Variants in BCL3 observed in about 807,000 individuals in gnomAD.
The protein encoded by BCL3 is BCL3 transcription coactivator.
In BCL3, 15 loss-of-function variants were observed where a neutral mutation model predicts 35.7. The ratio of observed to expected loss-of-function variants is 0.42; its 90% CI spans 0.28 to 0.65. The LOEUF is 0.65. Ranked by LOEUF, BCL3 falls within the 30% of genes least tolerant of loss-of-function variation. The probability of loss-of-function intolerance (pLI) is 0.22; values close to 1 mark genes in which losing one functional copy is unlikely to be tolerated. For missense variants in BCL3, 565 were observed against 641.7 expected, an observed-to-expected ratio of 0.88 and a Z score of 1.29; for synonymous variants, 311 against 284.3, an observed-to-expected ratio of 1.09 and a Z score of -0.95.
intron 1 of BCL3, 123 bp from the exon 2 acceptor site, chr19:44,751,104 C>T: frequency 1.5e-6 from 2 of 1,305,846 alleles, no homozygotes; most frequent in Non-Finnish European, 2.1e-6. Context: ...GTATGGGATG[C>T]AAAAGGGACC....
chr19:44,747,936 CA>C, upstream of BCL3: 2 of 1,144,746 alleles, frequency 1.7e-6, no homozygotes, highest in Non-Finnish European at 2.2e-6. Context: ...TCCCCACCCT[CA>C]CCCCACCCCC....
chr19:44,758,876 C>G, intron 8 of BCL3, 35 bp downstream of exon 8: 1 of 1,509,588 alleles, frequency 6.6e-7, no homozygotes, highest in Non-Finnish European at 8.9e-7. Flanking sequence ...GCCCTGGCGC[C>G]TCCTCCCTCA....
chr19:44,756,329 A>C lies in BCL3; in HGVS notation c.508A>C (p.Asn170His), dbSNP rs776392789. 7 of 1,511,064 alleles carry C rather than the reference A, an allele frequency of 4.6e-6. No individual in the cohort carries two copies. Among genetic ancestry groups the C allele is most frequent in the Admixed American group, 2.0e-5 (1 of 49,522 alleles). The allele number at this position is 1,511,064 out of a possible 1,614,324, so 93.6% of individuals were successfully genotyped here. The change falls in exon 3 of 9, where the codon AAC (asparagine) becomes CAC (histidine). Residue 170 changes from asparagine (N) to histidine (H), a missense_variant. By Grantham distance (68) the Asn-to-His change is moderately conservative (BLOSUM62 1). Coordinates refer to ENST00000164227, the MANE Select transcript of BCL3 (RefSeq NM_005178.5). ...QGGRELDIYN[N>H]LRQTPLHLAV... is the part of the protein sequence containing the mutation. The stretch of plus-strand genomic sequence containing the variant: ...GGGCCGGGAGCTCGACATCTACAAC[A>C]ACCTACGGCAGGTGAGGCTCGGTCT...
Position 44,757,808 on chromosome 19 carries a change from G to A in BCL3, c.891+85G>A. On this transcript the variant is annotated intron_variant, in intron 6 of 8. Coordinates refer to ENST00000164227, the MANE Select transcript of BCL3 (RefSeq NM_005178.5). The surrounding 1 kb of genome is among the most constrained non-coding windows in gnomAD (Gnocchi z 8.4). ...GGCCTCAGCCCCTAGCTCTGACCCCGCCTTCCACTTCTGGCTCCGGCTCCT... is the reference window on the plus strand; with the variant it reads ...GGCCTCAGCCCCTAGCTCTGACCCCACCTTCCACTTCTGGCTCCGGCTCCT... 1 of 1,322,060 alleles carries A rather than the reference G, an allele frequency of 7.6e-7. No homozygotes were observed. The highest frequency in any genetic ancestry group is 1.1e-6 in the Non-Finnish European group (1 of 932,654). The allele number at this position is 1,322,060 out of a possible 1,614,324, so 81.9% of individuals were successfully genotyped here.
At position 44,759,852 on chromosome 19, in the gene BCL3, C is replaced by T. The variant is rs1427303014; in HGVS notation, c.*237C>T. The T allele has an allele frequency of 2.2e-5, 10 of 446,148 alleles. No homozygotes were observed. Among genetic ancestry groups the T allele is most frequent in the African/African-American group, 1.2e-4 (6 of 48,834 alleles). 27.6% of individuals were successfully genotyped at this position (446,148 alleles called of 1,614,324 possible). On this transcript the variant is annotated 3_prime_UTR_variant, in exon 9 of 9. Transcript: ENST00000164227. ...GCATTCTCAGGCACCAGTCCCTGTC[C>T]GGAATGCCACCCACATCTTCCATTT...
intron 1 of BCL3, among the ~76,000 whole-genome samples, chr19:44,749,592 G>A (rs1244969315): frequency 6.6e-6 from 1 of 152,008 alleles, no homozygotes; most frequent in African/African-American, 2.4e-5. Flanking sequence ...CAGAGATGGG[G>A]TTCTGAGCAC....
chr19:44,747,982 G>C (rs1047150992), upstream of BCL3: 15 of 1,329,242 alleles, frequency 1.1e-5, no homozygotes, highest in Non-Finnish European at 1.5e-5. Context: ...GAGGCACGTG[G>C]AGTGGCAGAG....
chr19:44,757,638 CG>C lies in BCL3; in HGVS notation c.814-7del. 2 of 1,613,586 alleles carry C rather than the reference CG, an allele frequency of 1.2e-6. No homozygotes were observed. The highest frequency in any genetic ancestry group is 1.7e-6 in the Non-Finnish European group (2 of 1,179,736). On this transcript the variant is annotated splice_polypyrimidine_tract_variant and splice_region_variant and intron_variant, in intron 5 of 8. Coordinates refer to ENST00000164227, the MANE Select transcript of BCL3 (RefSeq NM_005178.5). The surrounding 1 kb of genome is among the most constrained non-coding windows in gnomAD (Gnocchi z 8.4). ...TGGAGAAACTAAGACCTTCCCTCCC[CG>C]CCGCAGGACATTAAGAGCGGCCGCT...
At chr19:44,748,597 G>A, upstream of BCL3, 1 of 551,890 alleles carries the variant, frequency 1.8e-6, no homozygotes. Context: ...AGCAGCGGCG[G>A]GTCCAGGAAA....
rs755193601 is a variant in BCL3 at position 44,758,289 on chromosome 19, C to G, written c.935C>G (p.Ala312Gly). 1 of 1,557,970 alleles carries G rather than the reference C, an allele frequency of 6.4e-7. No homozygotes were observed. The highest frequency in any genetic ancestry group is 8.6e-7 in the Non-Finnish European group (1 of 1,161,148). Residue 312 changes from alanine to glycine, a missense_variant, in exon 7 of 9, where the codon GCC becomes GGC. This residue lies in a region of BCL3 where 39 missense variants were observed against 88.1 expected (regional missense o/e 0.44). Coordinates refer to ENST00000164227, the MANE Select transcript of BCL3 (RefSeq NM_005178.5). Reference sequence around the variant, plus strand: ...GCGCAAATGTACTCCGGCAGCTCCGCCCTGCACTCAGCGTCCGGCCGCGGG... The same window carrying G: ...GCGCAAATGTACTCCGGCAGCTCCGGCCTGCACTCAGCGTCCGGCCGCGGG... ...VNAQMYSGSS[A>G]LHSASGRGLL...
chr19:44,750,641 T>C (rs1194624547), intron 1 of BCL3, among the ~76,000 whole-genome samples: 1 of 152,090 alleles, frequency 6.6e-6, no homozygotes, highest in Non-Finnish European at 1.5e-5. Flanking sequence ...AAATTACCCA[T>C]GCGTGGTGGT....
intron 2 of BCL3, among the ~76,000 whole-genome samples, chr19:44,755,833 G>A (rs1200019827): frequency 3.9e-5 from 6 of 152,152 alleles, no homozygotes; most frequent in African/African-American, 1.4e-4. Context: ...TTGGATGATC[G>A]CTTGAACCTG....
chr19:44,759,565 C>T lies in BCL3; in HGVS notation c.1315C>T (p.Arg439Ter), dbSNP rs1451648586. 6.2e-6 allele frequency: 10 copies of T among 1,611,388 alleles called. No homozygotes were observed. In the South Asian group the frequency reaches 7.7e-5, roughly 12 times the overall value. ...PAFLPFAGVLRGPGRPVPPSP... is the reference protein window; with the variant it reads ...PAFLPFAGVL ...CTTCCTGCCCTTTGCTGGGGTCCTC[C>T]GAGGCCCTGGCCGGCCGGTGCCCCC... The change falls in exon 9 of 9, where the codon CGA becomes TGA. Residue 439 changes from arginine (R) to a stop codon, truncating the protein, a stop_gained. Transcript: ENST00000164227. LOFTEE classifies it high-confidence loss of function.
chr19:44,758,832 A>G lies in BCL3; in HGVS notation c.1168A>G (p.Ser390Gly), dbSNP rs1468572284. ...NTSPESSSRL[S>G]SNGLLSASPS... ...CTCCCCCGAGAGCAGCAGCCGCCTC[A>G]GCTCCAATGGTGAGAAACCGTTCCC... The change falls in exon 8 of 9, where the codon AGC becomes GGC. Residue 390 changes from serine to glycine, a missense_variant. Transcript: ENST00000164227. 6 of 1,595,646 alleles carry G rather than the reference A, an allele frequency of 3.8e-6. No homozygotes were observed. The highest frequency in any genetic ancestry group is 4.3e-6 in the Non-Finnish European group (5 of 1,172,490).
chr19:44,756,970 T>G, intron 3 of BCL3, 47 bp from the exon 4 acceptor site: 2 of 1,527,894 alleles, frequency 1.3e-6, no homozygotes, highest in South Asian at 2.4e-5. Context: ...GAGGCAGGAC[T>G]AGAGAGCAGG....
At chr19:44,753,010 A>G (rs1967211196) in intron 2 of BCL3, among the ~76,000 whole-genome samples, 1 of 152,126 alleles carries the variant, frequency 6.6e-6, no homozygotes, top group Non-Finnish European at 1.5e-5. Context: ...CAGTTTCCCT[A>G]TTTGGAAACT....
At position 44,751,399 on chromosome 19, in the gene BCL3, T is replaced by C; in HGVS notation, c.410+19T>C. On this transcript the variant is annotated intron_variant, in intron 2 of 8. Coordinates refer to ENST00000164227, the MANE Select transcript of BCL3 (RefSeq NM_005178.5). Reference sequence around the variant, plus strand: ...GAGACACGTGAGTGACAGTCCCCTATTAAGGGGAGGGGTGGTTGGGAAGAC... The same window carrying C: ...GAGACACGTGAGTGACAGTCCCCTACTAAGGGGAGGGGTGGTTGGGAAGAC... 1 of 1,546,196 alleles carries C rather than the reference T, an allele frequency of 6.5e-7. No homozygotes were observed. Among genetic ancestry groups the C allele is most frequent in the Non-Finnish European group, 8.7e-7 (1 of 1,151,642 alleles).
Position 44,758,816 on chromosome 19 carries a change from G to T in BCL3, c.1152G>T (p.Glu384Asp). 1.2e-6 allele frequency: 2 copies of T among 1,603,450 alleles called. No homozygotes were observed. Among genetic ancestry groups the T allele is most frequent in the Non-Finnish European group, 1.7e-6 (2 of 1,176,144 alleles). ...SPDRSANTSP[E>D]SSSRLSSNGL... is the part of the protein sequence containing the mutation. The stretch of plus-strand genomic sequence containing the variant: ...ACCGGAGCGCCAACACCTCCCCCGA[G>T]AGCAGCAGCCGCCTCAGCTCCAATG... Residue 384 changes from glutamate to aspartate, a missense_variant, in exon 8 of 9, where the codon GAG becomes GAT. By Grantham distance (45) the Glu-to-Asp change is conservative. This residue lies in a region of BCL3 where 151 missense variants were observed against 138.1 expected (regional missense o/e 1.09). Transcript: ENST00000164227.
chr19:44,756,170 G>A, intron 2 of BCL3, 62 bp from the exon 3 acceptor site: 1 of 1,177,378 alleles, frequency 8.5e-7, no homozygotes, highest in South Asian at 2.3e-5. Context: ...ATTGCCAACA[G>A]CATGAGGGTG....
Sources: allele counts gnomAD v4.1 joint callset (sites outside exome capture counted in the v4.1 genomes callset), GRCh38; gene constraint gnomAD v4.1.1; regional missense constraint gnomAD v4.1.1; non-coding constraint Gnocchi (gnomAD v3.1); transcripts MANE v1.5; gene names NCBI Gene and HGNC (gene_info 2026-07-23, HGNC 2026-07-21).